Variants in LANCL1 observed in about 807,000 individuals in gnomAD.
LANCL1 encodes LanC like glutathione S-transferase 1, also known as glutathione S-transferase LANCL1.
Under a neutral mutation model 50.6 loss-of-function variants are expected in LANCL1, and 50 were observed. The observed-to-expected ratio is 0.99, with a 90% CI of 0.79 to 1.25. The LOEUF is 1.25. Ranked by LOEUF, LANCL1 falls within the 50% of genes most tolerant of loss-of-function variation. The probability of loss-of-function intolerance (pLI) is 0.00; values close to 1 mark genes in which losing one functional copy is unlikely to be tolerated. For missense variants in LANCL1, 532 were observed against 480.7 expected, an observed-to-expected ratio of 1.11 and a Z score of -1.00; for synonymous variants, 188 against 178.6, an observed-to-expected ratio of 1.05 and a Z score of -0.42.
intron 4 of LANCL1, among the ~76,000 whole-genome samples, chr2:210,447,392 T>G (rs1276501025): frequency 1.3e-5 from 2 of 152,188 alleles, no homozygotes; most frequent in African/African-American, 2.4e-5. Context: ...TACCAGCTAC[T>G]GCAAAAACAT....
At chr2:210,436,583 T>C (rs1371234807) in intron 7 of LANCL1, among the ~76,000 whole-genome samples, 191 bp from the exon 8 acceptor site, 2 of 152,188 alleles carry the variant, frequency 1.3e-5, no homozygotes, top group African/African-American at 4.8e-5. Context: ...TAAAAAAAAC[T>C]GTGCATGACT....
At chr2:210,455,381 G>C in intron 3 of LANCL1, 67 bp from the exon 4 acceptor site, 1 of 1,347,706 alleles carries the variant, frequency 7.4e-7, no homozygotes, top group Non-Finnish European at 1.0e-6. Flanking sequence ...TTTTGGCATG[G>C]TGTCTACTCA....
chr2:210,446,721 A>C (rs1693345907), intron 4 of LANCL1, among the ~76,000 whole-genome samples: 1 of 152,034 alleles, frequency 6.6e-6, no homozygotes, highest in African/African-American at 2.4e-5. Context: ...CACAAGTATC[A>C]ATGGCCAAAT....
intron 7 of LANCL1, 47 bp downstream of exon 7, chr2:210,437,643 A>G (rs1312664734): frequency 1.7e-6 from 2 of 1,198,662 alleles, no homozygotes; most frequent in Admixed American, 5.5e-5. Context: ...TTAAATTATA[A>G]ATTTTTGGTT....
In LANCL1 at chr2:210,470,944, C is replaced by A. The variant is rs527376126; in HGVS notation, c.199+1015G>T. ...CACTCTTTAAAGCGAATGGGAAACA[C>A]TGAGTCTCTAGACTATGCTTTCTTC... is the stretch of plus-strand genomic sequence containing the variant. On this transcript the variant is annotated intron_variant, in intron 3 of 9. Coordinates refer to ENST00000450366, the MANE Select transcript of LANCL1 (RefSeq NM_006055.3). Among the ~76,000 whole-genome samples the A allele has an allele frequency of 2.6e-5, 4 of 151,890 alleles. No individual in the cohort carries two copies. The East Asian group carries it at 7.7e-4, about 29-fold the overall frequency.
rs115173801 is a variant in LANCL1, at chr2:210,463,464, G to A, written c.200-8150C>T. Among the ~76,000 whole-genome samples the A allele has an allele frequency of 9.6e-3, 1,457 of 152,194 alleles. 20 individuals are homozygous for A. Among genetic ancestry groups the A allele is most frequent in the African/African-American group, 0.033 (1,367 of 41,510 alleles). ...CATACAACAGTAGTTATTGGTGTAC[G>A]TGCCTGCACCCTGTCTTGTCATTCA... On this transcript the variant is annotated intron_variant, in intron 3 of 9. Coordinates refer to ENST00000450366, the MANE Select transcript of LANCL1 (RefSeq NM_006055.3).
chr2:210,459,735 TAAAA>T (rs1205523096), intron 3 of LANCL1, among the ~76,000 whole-genome samples: 1 of 122,176 alleles, frequency 8.2e-6, no homozygotes, highest in African/African-American at 2.9e-5. Context: ...TGATAACTAT[TAAAA>T]ACAAACAAAC....
intron 2 of LANCL1, among the ~76,000 whole-genome samples, chr2:210,475,657 CT>C (rs1354241782): frequency 6.6e-6 from 1 of 152,198 alleles, no homozygotes; most frequent in East Asian, 1.9e-4. Flanking sequence ...TTAAAAATAT[CT>C]GTATTCCCTC....
intron 3 of LANCL1, among the ~76,000 whole-genome samples, chr2:210,464,976 A>AT: frequency 6.9e-6 from 1 of 145,616 alleles, no homozygotes; most frequent in South Asian, 2.1e-4. Context: ...CCGTCTCAAA[A>AT]AAAAAAAAAA....
At chr2:210,435,769 A>G (rs1692906808) in intron 8 of LANCL1, among the ~76,000 whole-genome samples, 1 of 152,124 alleles carries the variant, frequency 6.6e-6, no homozygotes, top group African/African-American at 2.4e-5. Context: ...TGCTAATTTA[A>G]TTGAAAGGCT....
chr2:210,448,783 C>T (rs1324211135), intron 4 of LANCL1, among the ~76,000 whole-genome samples: 1 of 152,188 alleles, frequency 6.6e-6, no homozygotes, highest in Non-Finnish European at 1.5e-5. Flanking sequence ...TTGACACATA[C>T]ACCCTCCCAA....
At chr2:210,434,657 G>A in intron 9 of LANCL1, 94 bp from the exon 10 acceptor site, 1 of 1,002,244 alleles carries the variant, frequency 1.0e-6, no homozygotes, top group Non-Finnish European at 1.5e-6. Flanking sequence ...GACAAAAAAA[G>A]TCACAGCATT....
At chr2:210,442,690 C>T (rs2105893414) in intron 4 of LANCL1, 1 of 152,332 alleles carries the variant, frequency 6.6e-6, no homozygotes, top group African/African-American at 2.4e-5. Context: ...GAAGTAGCAC[C>T]AAACCAATGG....
intron 4 of LANCL1, among the ~76,000 whole-genome samples, chr2:210,454,723 A>T (rs1271259693): frequency 1.3e-5 from 2 of 152,230 alleles, no homozygotes; most frequent in Non-Finnish European, 2.9e-5. Flanking sequence ...ATTGCCTCTA[A>T]GAAAGGCCGT....
intron 3 of LANCL1, among the ~76,000 whole-genome samples, chr2:210,470,380 G>A (rs1421488047): frequency 6.6e-6 from 1 of 151,924 alleles, no homozygotes; most frequent in Non-Finnish European, 1.5e-5. Flanking sequence ...AAAAGTCCCT[G>A]AGATTTTAAT....
intron 7 of LANCL1, 58 bp from the exon 8 acceptor site, chr2:210,436,450 A>G (rs913901717): frequency 6.7e-7 from 1 of 1,502,820 alleles, no homozygotes; most frequent in African/African-American, 1.4e-5. Flanking sequence ...TTCCATTGAT[A>G]TTCCTTCCTG....
At chr2:210,475,985 C>T (rs1165059470) in intron 2 of LANCL1, among the ~76,000 whole-genome samples, 1 of 152,096 alleles carries the variant, frequency 6.6e-6, no homozygotes, top group Admixed American at 6.6e-5. Context: ...ATGTGAATAC[C>T]GTTAGGATTC....
chr2:210,451,819 G>T (rs1052861133), intron 4 of LANCL1, among the ~76,000 whole-genome samples: 1 of 152,206 alleles, frequency 6.6e-6, no homozygotes, highest in Non-Finnish European at 1.5e-5. Context: ...AAGAAATGTG[G>T]TATATACATA....
At chr2:210,446,973 AC>A (rs1316997710) in intron 4 of LANCL1, among the ~76,000 whole-genome samples, 1 of 151,902 alleles carries the variant, frequency 6.6e-6, no homozygotes, top group Admixed American at 6.6e-5. Context: ...ACATTCAGGA[AC>A]AACATTCACA....
Sources: gnomAD v4.1 joint callset for allele counts (sites outside exome capture counted in the v4.1 genomes callset) on GRCh38, gnomAD v4.1.1 for gene constraint, MANE v1.5 for transcripts, NCBI Gene and HGNC (gene_info 2026-07-23, HGNC 2026-07-21) for gene names.